COL13A1: variants seen among roughly 807,000 people sequenced by gnomAD.
COL13A1 encodes collagen alpha-1(XIII) chain.
Under a neutral mutation model 130.9 loss-of-function variants are expected in COL13A1, and 89 were observed. The ratio of observed to expected loss-of-function variants is 0.68; its 90% CI spans 0.57 to 0.81. The LOEUF is 0.81. Among genes scored for constraint, COL13A1 ranks in the 30% least tolerant of loss-of-function variants. The pLI, the probability that COL13A1 is intolerant of heterozygous loss-of-function variation, is 0.00. For synonymous variants in COL13A1, 402 were observed against 341.6 expected (o/e 1.18, Z -1.95); for missense variants, 879 against 934.6 (o/e 0.94, Z 0.78).
chr10:69,862,524 C>G (rs1589139247), intron 2 of COL13A1, among the ~76,000 whole-genome samples: 1 of 152,196 alleles, frequency 6.6e-6, no homozygotes, highest in Non-Finnish European at 1.5e-5. Flanking sequence ...CCTTAAAGCT[C>G]ACCGGTGTCC....
intron 31 of COL13A1, among the ~76,000 whole-genome samples, chr10:69,934,523 C>T (rs1028661548): frequency 2.6e-5 from 4 of 152,200 alleles, no homozygotes. Context: ...GGGAATTCTA[C>T]CCCTGGGAAG....
chr10:69,913,802 C>T (rs944940107), intron 17 of COL13A1, among the ~76,000 whole-genome samples: 2 of 141,450 alleles, frequency 1.4e-5, no homozygotes, highest in Non-Finnish European at 1.5e-5. Flanking sequence ...GTGGAGTGAG[C>T]GGCAGAGCGA....
At chr10:69,866,851 C>G (rs891450446) in intron 2 of COL13A1, among the ~76,000 whole-genome samples, 8 of 152,114 alleles carry the variant, frequency 5.3e-5, no homozygotes, top group Middle Eastern at 6.8e-3. Flanking sequence ...CTTTATTGGC[C>G]GAGCATAAAA....
chr10:69,877,699 T>TCACACACACACACACA (rs10532425), intron 5 of COL13A1: 1 of 86,612 alleles, frequency 1.2e-5, no homozygotes, highest in Non-Finnish European at 2.3e-5. Context: ...TCTCTCTCTC[T>TCACACACACACACACA]CACACACACA....
intron 2 of COL13A1, among the ~76,000 whole-genome samples, chr10:69,835,538 C>T (rs1273042271): frequency 6.6e-6 from 1 of 152,186 alleles, no homozygotes; most frequent in Non-Finnish European, 1.5e-5. Context: ...CTTGTCCCCA[C>T]ACACCTGGCC....
At chr10:69,910,373 G>A (rs763275115) in intron 17 of COL13A1, among the ~76,000 whole-genome samples, 7 of 151,974 alleles carry the variant, frequency 4.6e-5, no homozygotes, top group Non-Finnish European at 1.0e-4. Context: ...GGGACCTGTG[G>A]GGTAACTGAT....
At chr10:69,855,114 A>G (rs750438642) in intron 2 of COL13A1, among the ~76,000 whole-genome samples, 80 of 152,240 alleles carry the variant, frequency 5.3e-4, no homozygotes, top group Non-Finnish European at 8.1e-4. Flanking sequence ...TAGAACTCAG[A>G]TAGGCTGAGT....
At chr10:69,919,152 G>A (rs2064302844) in intron 20 of COL13A1, 64 bp downstream of exon 20, 4 of 1,604,244 alleles carry the variant, frequency 2.5e-6, no homozygotes, top group Non-Finnish European at 3.4e-6. Context: ...AGGTGGGAGG[G>A]GCTGCTGCTG....
At chr10:69,945,630 C>G (rs780066795) in intron 36 of COL13A1, 41 bp from the exon 37 acceptor site, 4 of 1,600,896 alleles carry the variant, frequency 2.5e-6, no homozygotes, top group Non-Finnish European at 3.4e-6. Context: ...AGATTGTTAC[C>G]GTGTCTGGCA....
intron 16 of COL13A1, 131 bp from the exon 17 acceptor site, chr10:69,905,656 G>A (rs765037541): frequency 1.9e-5 from 18 of 932,756 alleles, no homozygotes; most frequent in East Asian, 7.9e-5. Context: ...GAAGGCTGGA[G>A]ATGGGTGTTG....
At chr10:69,929,049 C>T in intron 28 of COL13A1, 50 bp downstream of exon 28, 3 of 1,410,582 alleles carry the variant, frequency 2.1e-6, no homozygotes, top group Non-Finnish European at 3.0e-6. Context: ...GGGCATCGAC[C>T]CCAGGGCTTC....
At chr10:69,809,603 C>T (rs187651714) in intron 1 of COL13A1, among the ~76,000 whole-genome samples, 2 of 152,348 alleles carry the variant, frequency 1.3e-5, no homozygotes, top group East Asian at 3.9e-4. Flanking sequence ...CTGGCATCCT[C>T]AGCCACTAGG....
intron 4 of COL13A1, among the ~76,000 whole-genome samples, chr10:69,874,332 C>T (rs551769050): frequency 5.3e-5 from 8 of 152,278 alleles, no homozygotes; most frequent in South Asian, 2.1e-4. Context: ...CCTGATTCTC[C>T]GCACCCTATT....
chr10:69,840,965 AG>A (rs1426987869), intron 2 of COL13A1, among the ~76,000 whole-genome samples: 8 of 152,044 alleles, frequency 5.3e-5, no homozygotes, highest in Non-Finnish European at 8.8e-5. Flanking sequence ...GTCACTCAGG[AG>A]GACACTCCTC....
chr10:69,819,949 G>A (rs979889086), intron 1 of COL13A1, among the ~76,000 whole-genome samples: 9 of 152,116 alleles, frequency 5.9e-5, no homozygotes, highest in Admixed American at 3.3e-4. Flanking sequence ...CTGAGCCTTC[G>A]CCTCTGCTGT....
At chr10:69,834,847 G>C (rs2133053867) in intron 2 of COL13A1, among the ~76,000 whole-genome samples, 1 of 152,354 alleles carries the variant, frequency 6.6e-6, no homozygotes. Context: ...AGTTCGTCCA[G>C]AGGGAGAGGG....
intron 7 of COL13A1, among the ~76,000 whole-genome samples, 163 bp downstream of exon 7, chr10:69,880,716 T>C (rs182004265): frequency 1.3e-5 from 2 of 152,292 alleles, no homozygotes; most frequent in East Asian, 3.9e-4. Context: ...GGTGCCGATG[T>C]TGATGTTAAG....
In COL13A1 at chr10:69,958,648, T is replaced by C. The variant is rs2071279010; in HGVS notation, c.2185-51T>C. 5 of 1,612,850 alleles carry C rather than the reference T, an allele frequency of 3.1e-6. No individual in the cohort carries two copies. In the Admixed American group the frequency reaches 8.4e-5, roughly 27 times the overall value. Reference sequence around the variant, plus strand: ...TCCCTTCCTACAAAGGAAATAAACCTCTGCAGACCCACTGAAACTAACAGA... The same window carrying C: ...TCCCTTCCTACAAAGGAAATAAACCCCTGCAGACCCACTGAAACTAACAGA... On this transcript the variant is annotated intron_variant, in intron 40 of 40. Transcript: ENST00000645393.
At position 69,861,733 on chromosome 10, in the gene COL13A1, AAAG is replaced by A. The variant is rs1382066765; in HGVS notation, c.365-6062_365-6060del. Among the ~76,000 whole-genome samples, 5 of 152,318 alleles carry A rather than the reference AAAG, an allele frequency of 3.3e-5. No homozygotes were observed. In the East Asian group the frequency reaches 9.6e-4, roughly 29 times the overall value. On this transcript the variant is annotated intron_variant, in intron 2 of 40. Coordinates refer to ENST00000645393, the MANE Select transcript of COL13A1 (RefSeq NM_001368882.1). The stretch of plus-strand genomic sequence containing the variant: ...TGCTGATTGATAGTGGCTGTGTTGC[AAAG>A]AATTGTGAAACCTTGTCTAGGCTCA...
Sources: allele counts gnomAD v4.1 joint callset (sites outside exome capture counted in the v4.1 genomes callset), GRCh38; gene constraint gnomAD v4.1.1; transcripts MANE v1.5; gene names NCBI Gene and HGNC (gene_info 2026-07-23, HGNC 2026-07-21).